GRIK3: variants seen among roughly 807,000 people sequenced by gnomAD.
GRIK3 encodes glutamate receptor ionotropic, kainate 3.
A neutral mutation model predicts 102.5 loss-of-function variants in GRIK3; 29 were observed. That is an observed-to-expected ratio of 0.28 (90% CI 0.21 to 0.39). The LOEUF is 0.39. Ranked by LOEUF, GRIK3 falls within the 10% of genes least tolerant of loss-of-function variation. GRIK3 has a pLI of 1.00. For missense variants in GRIK3, 908 were observed against 1,252.4 expected (o/e 0.73, Z 4.15); for synonymous variants, 511 against 504.9 (o/e 1.01, Z -0.16).
At chr1:36,987,170 G>A (rs191339777) in intron 1 of GRIK3, among the ~76,000 whole-genome samples, 5 of 152,228 alleles carry the variant, frequency 3.3e-5, no homozygotes, top group Non-Finnish European at 7.4e-5. Flanking sequence ...CAGAGTTAAG[G>A]TCACAGCTCC....
intron 1 of GRIK3, among the ~76,000 whole-genome samples, chr1:37,010,560 T>C (rs61768880): frequency 0.17 from 26,248 of 152,018 alleles, 2,992 homozygotes; most frequent in Non-Finnish European, 0.25. Context: ...CTATTCATAA[T>C]TACACAAGGC....
chr1:36,813,312 G>C (rs1642583500), intron 13 of GRIK3, among the ~76,000 whole-genome samples: 1 of 152,226 alleles, frequency 6.6e-6, no homozygotes. Context: ...GCTTGGAATG[G>C]TGCCTGGCAC....
intron 1 of GRIK3, among the ~76,000 whole-genome samples, chr1:37,007,980 C>T (rs1379570341): frequency 6.6e-6 from 1 of 152,234 alleles, no homozygotes; most frequent in East Asian, 1.9e-4. Flanking sequence ...CCTGCATTCC[C>T]AGAAGCCCCA....
chr1:37,031,121 A>G (rs1295381716), intron 1 of GRIK3, among the ~76,000 whole-genome samples: 1 of 152,236 alleles, frequency 6.6e-6, no homozygotes, highest in Non-Finnish European at 1.5e-5. Flanking sequence ...CCAAACAATA[A>G]TAACGACGAT....
chr1:36,938,120 T>C (rs1157507287), intron 1 of GRIK3, among the ~76,000 whole-genome samples: 1 of 152,202 alleles, frequency 6.6e-6, no homozygotes, highest in Admixed American at 6.5e-5. Context: ...TTCAGTGCAA[T>C]CTGCACCTGC....
chr1:36,944,076 C>A (rs1054267714), intron 1 of GRIK3, among the ~76,000 whole-genome samples: 5 of 152,208 alleles, frequency 3.3e-5, no homozygotes, highest in African/African-American at 1.2e-4. Context: ...TCTGAGGAAA[C>A]CTGAAGCTGT....
At chr1:36,882,545 T>G (rs1401783868) in intron 2 of GRIK3, among the ~76,000 whole-genome samples, 1 of 152,210 alleles carries the variant, frequency 6.6e-6, no homozygotes, top group Non-Finnish European at 1.5e-5. Context: ...ACCCCTCTTT[T>G]CCACTGTCAA....
Position 36,812,036 on chromosome 1 carries a change from G to T in GRIK3, c.2091+5024C>A, listed in dbSNP as rs1162415881. On this transcript the variant is annotated intron_variant, in intron 13 of 15. Coordinates refer to ENST00000373091, the MANE Select transcript of GRIK3 (RefSeq NM_000831.4). ...AATTCTGCCTGGGCATTACATTTTGGTCCCCCTACCTGCTTCTGCTTGAAG... is the reference window on the plus strand; with the variant it reads ...AATTCTGCCTGGGCATTACATTTTGTTCCCCCTACCTGCTTCTGCTTGAAG... Among the ~76,000 whole-genome samples the T allele has an allele frequency of 4.6e-5, 7 of 152,062 alleles. No homozygotes were observed. In the East Asian group the frequency reaches 1.4e-3, roughly 29 times the overall value.
rs572321734 is a variant in GRIK3, at chr1:37,029,020, A to G, written c.115+4974T>C. On this transcript the variant is annotated intron_variant, in intron 1 of 15. Coordinates refer to ENST00000373091, the MANE Select transcript of GRIK3 (RefSeq NM_000831.4). The stretch of plus-strand genomic sequence containing the variant: ...ATATGGCTGTTGTCATTGTTGTTTC[A>G]TTATTTTGATTTTGCTCCAGACCCA... Among the ~76,000 whole-genome samples the G allele has an allele frequency of 9.3e-4, 142 of 152,290 alleles. 3 individuals are homozygous for G. Among genetic ancestry groups the G allele is most frequent in the Non-Finnish European group, 2.6e-4 (18 of 68,024 alleles).
chr1:36,988,892 G>C (rs918126949), intron 1 of GRIK3, among the ~76,000 whole-genome samples: 1 of 152,114 alleles, frequency 6.6e-6, no homozygotes, highest in Non-Finnish European at 1.5e-5. Context: ...AAACACCCGC[G>C]CTTTATAAAT....
At chr1:36,912,235 C>T (rs1291182473) in intron 1 of GRIK3, among the ~76,000 whole-genome samples, 2 of 152,174 alleles carry the variant, frequency 1.3e-5, no homozygotes, top group East Asian at 3.9e-4. Context: ...GCAGACACTT[C>T]CTCTGCATGC....
intron 1 of GRIK3, among the ~76,000 whole-genome samples, chr1:36,916,701 T>G (rs1224806496): frequency 6.6e-6 from 1 of 152,110 alleles, no homozygotes; most frequent in East Asian, 1.9e-4. Context: ...AGCCTGCAGG[T>G]GCCCAAAAGT....
intron 1 of GRIK3, among the ~76,000 whole-genome samples, chr1:36,891,847 A>G (rs914162550): frequency 3.3e-5 from 5 of 152,270 alleles, no homozygotes; most frequent in African/African-American, 1.2e-4. Context: ...AGTAGGAGCT[A>G]GTAGAGTTAA....
chr1:36,876,690 G>T (rs1252221015), intron 3 of GRIK3, among the ~76,000 whole-genome samples: 1 of 152,162 alleles, frequency 6.6e-6, no homozygotes, highest in Non-Finnish European at 1.5e-5. Flanking sequence ...CCACTCCATG[G>T]GTTTGATGAC....
rs371506234 is a variant in GRIK3 at position 36,805,247 on chromosome 1, G to A, written c.2315-10C>T. On this transcript the variant is annotated splice_polypyrimidine_tract_variant and intron_variant, in intron 14 of 15. Transcript: ENST00000373091. ...TCCCGGTATGGGGAGCCTGAGCAGG[G>A]AGAAGGGACCCCTAGCCATCAGTGG... 4.6e-5 allele frequency: 73 copies of A among 1,599,890 alleles called. No homozygotes were observed. Among genetic ancestry groups the A allele is most frequent in the Non-Finnish European group, 5.5e-5 (65 of 1,172,640 alleles).
At chr1:36,905,398 T>C (rs1243494316) in intron 1 of GRIK3, among the ~76,000 whole-genome samples, 1 of 151,100 alleles carries the variant, frequency 6.6e-6, no homozygotes, top group African/African-American at 2.4e-5. Context: ...TAACAGAAGT[T>C]CTTTCTAGAA....
intron 1 of GRIK3, among the ~76,000 whole-genome samples, chr1:36,894,918 CAG>C (rs1175205825): frequency 6.6e-6 from 1 of 152,200 alleles, no homozygotes; most frequent in African/African-American, 2.4e-5. Flanking sequence ...GGTTTGTCCT[CAG>C]GGGAAACTAG....
In GRIK3 at chr1:36,850,512, T is replaced by C; in HGVS notation, c.1213-88A>G. 7.9e-6 allele frequency: 6 copies of C among 758,936 alleles called. No individual in the cohort carries two copies. The highest frequency in any genetic ancestry group is 1.4e-5 in the Non-Finnish European group (6 of 423,328). The allele number at this position is 758,936 out of a possible 1,614,324, so 47.0% of individuals were successfully genotyped here. A position where few individuals can be genotyped will look rare whatever the true frequency, so the allele number is the denominator to read the frequency against. On this transcript the variant is annotated intron_variant, in intron 8 of 15. Transcript: ENST00000373091. The surrounding 1 kb of genome is among the most constrained non-coding windows in gnomAD (Gnocchi z 4.0). Reference sequence around the variant, plus strand: ...CGACAAGACCTTCATCTCATTCCCATTCATCATGAGCCTCATTGTCATGAT... The same window carrying C: ...CGACAAGACCTTCATCTCATTCCCACTCATCATGAGCCTCATTGTCATGAT...
At chr1:36,893,819 A>G (rs147035197) in intron 1 of GRIK3, among the ~76,000 whole-genome samples, 1 of 152,306 alleles carries the variant, frequency 6.6e-6, no homozygotes, top group East Asian at 1.9e-4. Context: ...AAATTTAATG[A>G]CACAGGAAAT....
Sources: gnomAD v4.1 joint callset for allele counts (sites outside exome capture counted in the v4.1 genomes callset) on GRCh38, gnomAD v4.1.1 for gene constraint, Gnocchi (gnomAD v3.1) non-coding constraint, MANE v1.5 for transcripts, NCBI Gene and HGNC (gene_info 2026-07-23, HGNC 2026-07-21) for gene names.